The following CNTNAP5 variants were observed in gnomAD, a reference collection of about 807,000 sequenced individuals.
CNTNAP5 encodes contactin-associated protein-like 5.
CNTNAP5 carries 72 observed loss-of-function variants against 150.2 expected under a neutral mutation model. The observed-to-expected ratio is 0.48, with a 90% CI of 0.40 to 0.58. CNTNAP5 has a LOEUF of 0.58. Ranked by LOEUF, CNTNAP5 falls within the 20% of genes least tolerant of loss-of-function variation. The pLI is 0.00. For synonymous variants in CNTNAP5, 672 were observed against 619.8 expected (o/e 1.08, Z -1.25); for missense variants, 1,636 against 1,626.2 (o/e 1.01, Z -0.10).
At chr2:124,630,904 A>G (rs1677844584) in intron 12 of CNTNAP5, among the ~76,000 whole-genome samples, 1 of 152,202 alleles carries the variant, frequency 6.6e-6, no homozygotes, top group Non-Finnish European at 1.5e-5. Flanking sequence ...GTGTGCAGAA[A>G]TCACAAGCAT....
At chr2:124,203,252 A>C (rs528330091) in intron 1 of CNTNAP5, among the ~76,000 whole-genome samples, 2 of 152,284 alleles carry the variant, frequency 1.3e-5, no homozygotes, top group South Asian at 4.1e-4. Flanking sequence ...CATGTCTCAC[A>C]TCCAGGTCAT....
At chr2:124,117,454 A>G (rs1478845415) in intron 1 of CNTNAP5, among the ~76,000 whole-genome samples, 1 of 152,210 alleles carries the variant, frequency 6.6e-6, no homozygotes, top group East Asian at 1.9e-4. Context: ...TGTAGAGATA[A>G]TTCATTATCT....
chr2:124,450,195 T>A (rs938784430), intron 6 of CNTNAP5, among the ~76,000 whole-genome samples: 2 of 151,970 alleles, frequency 1.3e-5, no homozygotes, highest in African/African-American at 4.8e-5. Flanking sequence ...ATGACTAATT[T>A]TTGGAGCATG....
chr2:124,083,379 A>C (rs1682603905), intron 1 of CNTNAP5, among the ~76,000 whole-genome samples: 1 of 152,042 alleles, frequency 6.6e-6, no homozygotes, highest in Non-Finnish European at 1.5e-5. Flanking sequence ...TAAATAAATA[A>C]ATAAAATATT....
chr2:124,441,778 A>C (rs868428628), intron 5 of CNTNAP5, among the ~76,000 whole-genome samples: 1 of 151,962 alleles, frequency 6.6e-6, no homozygotes, highest in African/African-American at 2.4e-5. Flanking sequence ...AGTTGTGAAC[A>C]TAAGTTTAAG....
At chr2:124,888,037 A>G (rs907065028) in intron 21 of CNTNAP5, among the ~76,000 whole-genome samples, 2 of 152,082 alleles carry the variant, frequency 1.3e-5, no homozygotes, top group African/African-American at 4.8e-5. Context: ...CATGATGCTC[A>G]AGTTTGGGAT....
chr2:124,611,404 A>G (rs906867933), intron 12 of CNTNAP5, among the ~76,000 whole-genome samples: 8 of 152,246 alleles, frequency 5.3e-5, no homozygotes, highest in African/African-American at 1.9e-4. Context: ...ATTGGGTGCC[A>G]CGTCCTTGCA....
At chr2:124,541,146 G>A (rs1695371354) in intron 10 of CNTNAP5, among the ~76,000 whole-genome samples, 1 of 141,484 alleles carries the variant, frequency 7.1e-6, no homozygotes, top group African/African-American at 2.6e-5. Flanking sequence ...TGTTTGGTGT[G>A]GAGACTTAGA....
intron 22 of CNTNAP5, among the ~76,000 whole-genome samples, chr2:124,903,535 A>G (rs886893699): frequency 6.6e-6 from 1 of 152,198 alleles, no homozygotes; most frequent in African/African-American, 2.4e-5. Context: ...TGACAAATAA[A>G]AATTATATAT....
chr2:124,388,755 G>T (rs1204264177), intron 3 of CNTNAP5, among the ~76,000 whole-genome samples: 2 of 152,002 alleles, frequency 1.3e-5, no homozygotes, highest in Non-Finnish European at 2.9e-5. Flanking sequence ...GACTCCACTG[G>T]CTTCAATCTC....
At chr2:124,326,421 A>G (rs1689218695) in intron 3 of CNTNAP5, among the ~76,000 whole-genome samples, 1 of 152,246 alleles carries the variant, frequency 6.6e-6, no homozygotes, top group African/African-American at 2.4e-5. Context: ...TAAAGCATAA[A>G]GCTTTTCTCA....
At chr2:124,419,990 T>TTCTTTC (rs1553466680) in intron 4 of CNTNAP5, among the ~76,000 whole-genome samples, 1 of 121,404 alleles carries the variant, frequency 8.2e-6, no homozygotes, top group Non-Finnish European at 1.7e-5. Context: ...CTTTCTTTCT[T>TTCTTTC]TTTTTTTTTT....
intron 1 of CNTNAP5, among the ~76,000 whole-genome samples, chr2:124,148,114 A>G (rs1684298835): frequency 6.6e-6 from 1 of 152,094 alleles, no homozygotes; most frequent in Non-Finnish European, 1.5e-5. Context: ...CTTATAAGCT[A>G]CTTTATTATA....
At chr2:124,367,014 A>G (rs145904849) in intron 3 of CNTNAP5, among the ~76,000 whole-genome samples, 1 of 152,338 alleles carries the variant, frequency 6.6e-6, no homozygotes, top group African/African-American at 2.4e-5. Context: ...CCCAGGGGAC[A>G]TTGTAACTGG....
intron 3 of CNTNAP5, among the ~76,000 whole-genome samples, chr2:124,325,217 C>T (rs939924561): frequency 6.6e-6 from 1 of 152,124 alleles, no homozygotes; most frequent in African/African-American, 2.4e-5. Flanking sequence ...AAGGCACCAA[C>T]CATGAACAGG....
chr2:124,297,725 G>A (rs975921930), intron 3 of CNTNAP5, among the ~76,000 whole-genome samples: 14 of 151,744 alleles, frequency 9.2e-5, no homozygotes, highest in African/African-American at 2.7e-4. Context: ...ATCACCAGAC[G>A]TAGTCTCCAT....
chr2:124,404,531 C>A (rs1293193320), intron 3 of CNTNAP5, among the ~76,000 whole-genome samples: 2 of 152,196 alleles, frequency 1.3e-5, no homozygotes, highest in Non-Finnish European at 2.9e-5. Flanking sequence ...GCATCAGCAC[C>A]TTTGTGTGAC....
chr2:124,809,437 C>T (rs908067015), intron 19 of CNTNAP5, among the ~76,000 whole-genome samples: 7 of 151,102 alleles, frequency 4.6e-5, no homozygotes, highest in Non-Finnish European at 7.4e-5. Flanking sequence ...GAAACGGAGT[C>T]TCTCTCTCGC....
intron 14 of CNTNAP5, among the ~76,000 whole-genome samples, chr2:124,762,886 T>G (rs724655): frequency 0.43 from 64,465 of 151,560 alleles, 14,588 homozygotes; most frequent in Non-Finnish European, 0.53. Flanking sequence ...GGAATTTTTT[T>G]GGGGGAAAAA....
Sources: gnomAD v4.1 joint callset for allele counts (sites outside exome capture counted in the v4.1 genomes callset) on GRCh38, gnomAD v4.1.1 for gene constraint, MANE v1.5 for transcripts, NCBI Gene and HGNC (gene_info 2026-07-23, HGNC 2026-07-21) for gene names.